Variants in IPP observed in about 807,000 individuals in gnomAD.
IPP encodes intracisternal A particle-promoted polypeptide.
IPP carries 41 observed loss-of-function variants against 64.1 expected under a neutral mutation model. The ratio of observed to expected loss-of-function variants is 0.64; its 90% CI spans 0.50 to 0.83. IPP has a LOEUF of 0.83. Among genes scored for constraint, IPP ranks in the 40% least tolerant of loss-of-function variants. IPP has a pLI of 0.00. For missense variants in IPP, 649 were observed against 703.0 expected (o/e 0.92, Z 0.87); for synonymous variants, 214 against 235.2 (o/e 0.91, Z 0.83).
intron 2 of IPP, among the ~76,000 whole-genome samples, chr1:45,742,975 T>C (rs1344677715): frequency 2.0e-5 from 3 of 152,030 alleles, no homozygotes; most frequent in Non-Finnish European, 4.4e-5. Context: ...TCTCACTATG[T>C]CACCCAGGTT....
chr1:45,732,232 G>GAATCCCACC (rs1645917701), intron 3 of IPP, among the ~76,000 whole-genome samples: 1 of 151,476 alleles, frequency 6.6e-6, no homozygotes, highest in African/African-American at 2.4e-5. Context: ...GTTGTGGTGG[G>GAATCCCACC]CACATGTAAT....
intron 3 of IPP, among the ~76,000 whole-genome samples, chr1:45,740,494 C>T (rs1202197960): frequency 9.2e-5 from 14 of 152,138 alleles, no homozygotes; most frequent in South Asian, 6.2e-4. Flanking sequence ...GCTGGCCGGG[C>T]GGGGGGCTGA....
At chr1:45,735,011 C>T (rs1343100146) in intron 3 of IPP, among the ~76,000 whole-genome samples, 1 of 152,016 alleles carries the variant, frequency 6.6e-6, no homozygotes, top group African/African-American at 2.4e-5. Context: ...AACTCCTGAC[C>T]TCAGGTGATC....
downstream of IPP, among the ~76,000 whole-genome samples, chr1:45,697,506 T>A (rs550756168): frequency 3.9e-5 from 6 of 151,904 alleles, no homozygotes; most frequent in South Asian, 1.3e-3. Context: ...CCCACCTCAG[T>A]CTCCCAAAGT....
At chr1:45,694,538 T>C, downstream of IPP, 4 of 1,377,326 alleles carry the variant, frequency 2.9e-6, no homozygotes, top group Non-Finnish European at 4.0e-6. Context: ...GGTAGTTCCA[T>C]TGAGTTTTCA....
chr1:45,730,178 C>G (rs1428386775), intron 3 of IPP, among the ~76,000 whole-genome samples: 2 of 151,946 alleles, frequency 1.3e-5, no homozygotes, highest in African/African-American at 4.8e-5. Flanking sequence ...TGAATGAAAC[C>G]TTGCTGCTAC....
At chr1:45,740,719 C>T (rs1646051089) in intron 3 of IPP, among the ~76,000 whole-genome samples, 182 bp downstream of exon 3, 1 of 151,820 alleles carries the variant, frequency 6.6e-6, no homozygotes, top group Non-Finnish European at 1.5e-5. Context: ...TACTACTGCC[C>T]ACCCACAGAA....
rs57797396 is a variant in IPP at position 45,741,623 on chromosome 1, C to CTTTTTTTTT, written c.293-300_293-292dup. 2.0e-3 allele frequency among the ~76,000 whole-genome samples: 195 copies of CTTTTTTTTT among 96,112 alleles called. 2 individuals carry two copies. Among genetic ancestry groups the CTTTTTTTTT allele is most frequent in the Middle Eastern group, 9.4e-3 (1 of 106 alleles). The allele number at this position is 96,112 out of a possible 152,430, so 63.1% of individuals were successfully genotyped here. A position where few individuals can be genotyped will look rare whatever the true frequency, so the allele number is the denominator to read the frequency against. On this transcript the variant is annotated intron_variant, in intron 2 of 8. Transcript: ENST00000396478. Reference sequence around the variant, plus strand: ...TAGATATTATTATTTTTCTTATTTTCTTTTTTTTTTTTTTTTTTTTTTTGA... The same window carrying CTTTTTTTTT: ...TAGATATTATTATTTTTCTTATTTTCTTTTTTTTTTTTTTTTTTTTTTTTTTTTTTTTGA...
chr1:45,729,694 T>C lies in IPP; in HGVS notation c.800A>G (p.Lys267Arg). The C allele has an allele frequency of 6.2e-7, 1 of 1,611,684 alleles. No homozygotes were observed. The highest frequency in any genetic ancestry group is 8.5e-7 in the Non-Finnish European group (1 of 1,178,076). ...CAGAAAACTACAAAACTTGTTCTCT[T>C]TGGGAGATTTGCATACTTCACAGTA... ...KEYCEVCKSP[K>R]ENKFCSFLQT... Residue 267 changes from lysine to arginine, a missense_variant, in exon 4 of 9, where the codon AAA (lysine) becomes AGA (arginine). Physicochemically the swap from Lys to Arg is conservative, Grantham distance 26. Transcript: ENST00000396478.
chr1:45,733,668 C>A (rs1456620460), intron 3 of IPP, among the ~76,000 whole-genome samples: 1 of 151,898 alleles, frequency 6.6e-6, no homozygotes, highest in Non-Finnish European at 1.5e-5. Context: ...CCCGTCTCTA[C>A]TAAAAATACA....
intron 8 of IPP, among the ~76,000 whole-genome samples, chr1:45,707,162 G>A (rs1255003834): frequency 6.6e-6 from 1 of 152,176 alleles, no homozygotes; most frequent in Non-Finnish European, 1.5e-5. Context: ...AGTGGCTTAC[G>A]CCTGTAATCC....
chr1:45,710,973 T>G (rs1471304425), intron 8 of IPP, among the ~76,000 whole-genome samples: 1 of 110,310 alleles, frequency 9.1e-6, no homozygotes. Context: ...GAGCTGAGAT[T>G]GTACCACTGC....
At chr1:45,738,839 C>CAAAAACAAAAAAAACAAAAAAAAAA (rs1557758601) in intron 3 of IPP, among the ~76,000 whole-genome samples, 1 of 7,696 alleles carries the variant, frequency 1.3e-4, no homozygotes, top group African/African-American at 3.5e-4. Flanking sequence ...GACTCCATCT[C>CAAAAACAAAAAAAACAAAAAAAAAA]AAAAAAAAAA....
At chr1:45,739,540 C>T (rs1226736156) in intron 3 of IPP, among the ~76,000 whole-genome samples, 2 of 148,688 alleles carry the variant, frequency 1.3e-5, no homozygotes, top group African/African-American at 2.5e-5. Context: ...TAGGCGTGAA[C>T]CATTGCACCT....
Position 45,700,465 on chromosome 1 carries a change from CT to C in IPP, c.1531-276del, listed in dbSNP as rs566644786. On this transcript the variant is annotated intron_variant, in intron 8 of 8. Coordinates refer to ENST00000396478, the MANE Select transcript of IPP (RefSeq NM_005897.3). ...CAAGAGCTCCTCTTGCCTCAGCCTC[CT>C]GAGTAGGTAGGACTACAGGTGTACA... is the stretch of plus-strand genomic sequence containing the variant. Among the ~76,000 whole-genome samples the C allele has an allele frequency of 1.7e-3, 262 of 152,210 alleles. 1 individual carries two copies. Among genetic ancestry groups the C allele is most frequent in the Admixed American group, 4.1e-3 (62 of 15,286 alleles).
chr1:45,719,756 C>T (rs768276695), intron 5 of IPP, among the ~76,000 whole-genome samples: 4 of 152,174 alleles, frequency 2.6e-5, no homozygotes, highest in Admixed American at 6.5e-5. Flanking sequence ...GACGGAGTCT[C>T]GCTCTGTCGC....
In IPP at chr1:45,727,681, C is replaced by T. The variant is rs763899567; in HGVS notation, c.998G>A (p.Arg333Gln). Residue 333 changes from arginine to glutamine, a missense_variant, in exon 5 of 9, where the codon CGA becomes CAA. Arg to Gln is a conservative substitution (Grantham distance 43). Transcript: ENST00000396478. Reference protein sequence around the residue: ...WTTVSSLHQARSGLGVTVLGG... With the variant: ...WTTVSSLHQAQSGLGVTVLGG... Reference sequence around the variant, plus strand: ...CAGAACTGTTACTCCCAGCCCACTTCGAGCCTGATGAAGTGAAGACACAGT... The same window carrying T: ...CAGAACTGTTACTCCCAGCCCACTTTGAGCCTGATGAAGTGAAGACACAGT... 26 of 1,595,118 alleles carry T rather than the reference C, an allele frequency of 1.6e-5. No homozygotes were observed. The highest frequency in any genetic ancestry group is 1.4e-4 in the South Asian group (12 of 88,696).
intron 3 of IPP, among the ~76,000 whole-genome samples, chr1:45,735,146 C>G (rs542622049): frequency 4.6e-5 from 7 of 151,334 alleles, no homozygotes; most frequent in African/African-American, 1.7e-4. Flanking sequence ...TGCAGTGGTG[C>G]GATCTCAGCT....
Position 45,716,899 on chromosome 1 carries a change from C to T in IPP, c.1305G>A (p.Met435Ile), listed in dbSNP as rs1645666519. Residue 435 changes from methionine (M) to isoleucine (I), a missense_variant, in exon 7 of 9, where the codon ATG becomes ATA. Coordinates refer to ENST00000396478, the MANE Select transcript of IPP (RefSeq NM_005897.3). ...VSRYYFGCCEMQGLIYVIGGI... is the reference protein window; with the variant it reads ...VSRYYFGCCEIQGLIYVIGGI... ...AATATTTTATAAAGTGATTACCTTGCATTTCACAGCACCCAAAGTAGTAGC... is the reference window on the plus strand; with the variant it reads ...AATATTTTATAAAGTGATTACCTTGTATTTCACAGCACCCAAAGTAGTAGC... The T allele has an allele frequency of 6.2e-7, 1 of 1,606,120 alleles. No homozygotes were observed. Among genetic ancestry groups the T allele is most frequent in the Admixed American group, 1.7e-5 (1 of 57,266 alleles).
Sources: allele counts gnomAD v4.1 joint callset (sites outside exome capture counted in the v4.1 genomes callset), GRCh38; gene constraint gnomAD v4.1.1; transcripts MANE v1.5; gene names NCBI Gene and HGNC (gene_info 2026-07-23, HGNC 2026-07-21).